Variants in RIMS1 observed in about 807,000 individuals in gnomAD.
The protein encoded by RIMS1 is regulating synaptic membrane exocytosis protein 1.
In RIMS1, 83 loss-of-function variants were observed where a neutral mutation model predicts 214.1. The ratio of observed to expected loss-of-function variants is 0.39; its 90% CI spans 0.32 to 0.47. RIMS1 has a LOEUF of 0.47. Among genes scored for constraint, RIMS1 ranks in the 20% least tolerant of loss-of-function variants. The pLI is 0.99. For missense variants in RIMS1, 2,050 were observed against 2,161.8 expected (o/e 0.95, Z 1.03); for synonymous variants, 793 against 786.8 (o/e 1.01, Z -0.13).
intron 2 of RIMS1, among the ~76,000 whole-genome samples, chr6:71,978,080 G>A (rs1797600595): frequency 6.6e-6 from 1 of 152,138 alleles, no homozygotes; most frequent in Non-Finnish European, 1.5e-5. Flanking sequence ...ATGAAGTTTT[G>A]AAAGCAGTGA....
chr6:72,237,693 G>A, intron 8 of RIMS1, 130 bp from the exon 9 acceptor site: 1 of 650,680 alleles, frequency 1.5e-6, no homozygotes, highest in Non-Finnish European at 2.6e-6. Flanking sequence ...AAAAAAAAGT[G>A]CTTCACTTCA....
chr6:71,981,090 A>G (rs995124128), intron 2 of RIMS1, among the ~76,000 whole-genome samples: 6 of 152,132 alleles, frequency 3.9e-5, no homozygotes, highest in African/African-American at 1.4e-4. Context: ...TAAATTTTCA[A>G]AACTGCTCAC....
At chr6:72,120,483 CCA>C (rs2038030354) in intron 4 of RIMS1, among the ~76,000 whole-genome samples, 1 of 151,778 alleles carries the variant, frequency 6.6e-6, no homozygotes, top group Non-Finnish European at 1.5e-5. Context: ...TATCCTTTGC[CCA>C]CTTGTTGATG....
intron 2 of RIMS1, among the ~76,000 whole-genome samples, chr6:72,068,897 C>A (rs550178134): frequency 7.1e-6 from 1 of 141,066 alleles, no homozygotes; most frequent in Non-Finnish European, 1.5e-5. Context: ...GGCGACAGAG[C>A]AAGACTCCGT....
At chr6:72,211,202 C>A (rs1232774824) in intron 6 of RIMS1, among the ~76,000 whole-genome samples, 1 of 152,160 alleles carries the variant, frequency 6.6e-6, no homozygotes, top group Non-Finnish European at 1.5e-5. Flanking sequence ...CCTCTTCTGT[C>A]CAGAGTTTGT....
chr6:72,343,781 A>T (rs1035684333), intron 29 of RIMS1, among the ~76,000 whole-genome samples: 4 of 151,586 alleles, frequency 2.6e-5, no homozygotes, highest in African/African-American at 9.7e-5. Context: ...AAGATTATAC[A>T]GGCAATAATA....
intron 2 of RIMS1, among the ~76,000 whole-genome samples, chr6:72,090,335 G>C (rs1321716422): frequency 6.6e-6 from 1 of 152,030 alleles, no homozygotes; most frequent in African/African-American, 2.4e-5. Flanking sequence ...TAGTTAGCTT[G>C]TGATTTTGTT....
intron 1 of RIMS1, among the ~76,000 whole-genome samples, chr6:71,962,863 C>G (rs1177653089): frequency 1.3e-5 from 2 of 152,026 alleles, no homozygotes; most frequent in East Asian, 3.9e-4. Flanking sequence ...AACCCTTTCT[C>G]TACGTACCAG....
chr6:71,934,487 T>C (rs750912335), intron 1 of RIMS1, among the ~76,000 whole-genome samples: 4 of 152,226 alleles, frequency 2.6e-5, no homozygotes, highest in Non-Finnish European at 1.5e-5. Context: ...TGTTTTTAGG[T>C]TGTAATGTTA....
At chr6:71,922,326 C>T (rs1780240633) in intron 1 of RIMS1, among the ~76,000 whole-genome samples, 1 of 152,158 alleles carries the variant, frequency 6.6e-6, no homozygotes, top group African/African-American at 2.4e-5. Context: ...TTCCCCTCTC[C>T]TCTCATCTCC....
At chr6:72,148,549 G>C (rs2043057776) in intron 4 of RIMS1, 1 of 456,336 alleles carries the variant, frequency 2.2e-6, no homozygotes, top group African/African-American at 2.0e-5. Flanking sequence ...TATACTCCCT[G>C]CTGTCAGTAA....
At chr6:71,902,515 T>A (rs1773963848) in intron 1 of RIMS1, among the ~76,000 whole-genome samples, 1 of 152,086 alleles carries the variant, frequency 6.6e-6, no homozygotes. Flanking sequence ...ATTTCCTATG[T>A]ATGTGATCTT....
At chr6:72,047,432 C>T (rs184792774) in intron 2 of RIMS1, among the ~76,000 whole-genome samples, 34 of 152,226 alleles carry the variant, frequency 2.2e-4, no homozygotes, top group African/African-American at 7.9e-4. Context: ...TTAGACATTG[C>T]TGAGCTACCT....
chr6:71,991,421 C>T (rs983446461), intron 2 of RIMS1, among the ~76,000 whole-genome samples: 5 of 152,110 alleles, frequency 3.3e-5, no homozygotes, highest in African/African-American at 1.2e-4. Flanking sequence ...AGATTCTTTC[C>T]GTATTTTTAG....
At chr6:71,963,117 C>T (rs185716655) in intron 1 of RIMS1, among the ~76,000 whole-genome samples, 13 of 152,200 alleles carry the variant, frequency 8.5e-5, no homozygotes, top group African/African-American at 3.1e-4. Flanking sequence ...TATTGAAACA[C>T]GTCTGAGGTT....
chr6:71,996,934 T>C (rs76833156), intron 2 of RIMS1, among the ~76,000 whole-genome samples: 1,609 of 152,342 alleles, frequency 0.011, 33 homozygotes, highest in African/African-American at 0.036. Flanking sequence ...TGATAGGTAA[T>C]AACTAATCAG....
At chr6:72,234,733 C>G (rs1230227364) in intron 7 of RIMS1, among the ~76,000 whole-genome samples, 1 of 151,962 alleles carries the variant, frequency 6.6e-6, no homozygotes, top group African/African-American at 2.4e-5. Context: ...TCTCTCCTTT[C>G]TTCCCCACTA....
At chr6:72,145,072 T>G (rs182368341) in intron 4 of RIMS1, among the ~76,000 whole-genome samples, 1 of 152,292 alleles carries the variant, frequency 6.6e-6, no homozygotes, top group Non-Finnish European at 1.5e-5. Flanking sequence ...AGAACTGAGT[T>G]GTTTGTAAAA....
intron 16 of RIMS1, among the ~76,000 whole-genome samples, chr6:72,255,088 G>A (rs2075231468): frequency 6.6e-6 from 1 of 152,070 alleles, no homozygotes; most frequent in Admixed American, 6.6e-5. Flanking sequence ...TTGATCCATT[G>A]TAATTATGTG....
Sources: gnomAD v4.1 joint callset for allele counts (sites outside exome capture counted in the v4.1 genomes callset) on GRCh38, gnomAD v4.1.1 for gene constraint, MANE v1.5 for transcripts, NCBI Gene and HGNC (gene_info 2026-07-23, HGNC 2026-07-21) for gene names.